Variants in COL5A2 observed in about 807,000 individuals in gnomAD.
COL5A2 encodes the protein collagen type V alpha 2 chain, also known as collagen alpha-2(V) chain.
COL5A2 carries 23 observed loss-of-function variants against 208.2 expected under a neutral mutation model. That is an observed-to-expected ratio of 0.11 (90% CI 0.08 to 0.16). COL5A2 has a LOEUF of 0.16. Ranked by LOEUF, COL5A2 falls within the 10% of genes least tolerant of loss-of-function variation. The pLI is 1.00. For missense variants in COL5A2, 1,590 were observed against 1,956.4 expected, an observed-to-expected ratio of 0.81 and a Z score of 3.53; for synonymous variants, 625 against 628.5, an observed-to-expected ratio of 0.99 and a Z score of 0.08.
chr2:189,093,350 G>T (rs56080628), intron 6 of COL5A2, among the ~76,000 whole-genome samples: 20,190 of 152,144 alleles, frequency 0.13, 1,367 homozygotes, highest in Middle Eastern at 0.19. Flanking sequence ...CAGGGATCAA[G>T]GGAAATATGG....
intron 1 of COL5A2, among the ~76,000 whole-genome samples, chr2:189,165,057 T>C (rs1016248364): frequency 6.6e-6 from 1 of 152,244 alleles, no homozygotes; most frequent in African/African-American, 2.4e-5. Context: ...AGATGTTTCA[T>C]ATCTTAAGCA....
chr2:189,118,527 C>A (rs1360946776), intron 1 of COL5A2, among the ~76,000 whole-genome samples: 1 of 152,080 alleles, frequency 6.6e-6, no homozygotes, highest in Non-Finnish European at 1.5e-5. Context: ...TTGCCTTGAG[C>A]AAGTTGAAAT....
chr2:189,272,326 C>G, the COL5A2 span, among the ~76,000 whole-genome samples: 5 of 152,100 alleles, frequency 3.3e-5, no homozygotes, highest in Admixed American at 3.3e-4. Context: ...GAATACTATG[C>G]AGCCATAAAA....
At chr2:189,209,986 C>T (rs1576586758) in intron 1 of COL5A2, among the ~76,000 whole-genome samples, 1 of 152,282 alleles carries the variant, frequency 6.6e-6, no homozygotes, top group African/African-American at 2.4e-5. Flanking sequence ...GGTAATGCCG[C>T]CCTGAAAGGG....
intron 1 of COL5A2, among the ~76,000 whole-genome samples, chr2:189,217,386 C>G (rs2105874565): frequency 6.6e-6 from 1 of 152,282 alleles, no homozygotes; most frequent in South Asian, 2.1e-4. Context: ...GCCACTCTGG[C>G]TTCCTTTTTG....
the COL5A2 span, among the ~76,000 whole-genome samples, chr2:189,391,360 A>C: frequency 3.9e-5 from 6 of 152,280 alleles, no homozygotes; most frequent in African/African-American, 1.4e-4. Context: ...AATTACATAA[A>C]CCATCTCTGA....
chr2:189,214,044 T>A (rs929975209), intron 1 of COL5A2, among the ~76,000 whole-genome samples: 2 of 152,116 alleles, frequency 1.3e-5, no homozygotes, highest in African/African-American at 4.8e-5. Context: ...AACTAAGATG[T>A]GGGGTAAAAG....
intron 1 of COL5A2, among the ~76,000 whole-genome samples, chr2:189,139,199 C>G (rs886179405): frequency 6.6e-6 from 1 of 152,122 alleles, no homozygotes; most frequent in African/African-American, 2.4e-5. Flanking sequence ...CACTTGAACC[C>G]AGGAGGCAGA....
the COL5A2 span, among the ~76,000 whole-genome samples, chr2:189,286,721 C>T: frequency 4.6e-5 from 7 of 152,054 alleles, no homozygotes; most frequent in Non-Finnish European, 7.4e-5. Context: ...TCTAAATGAG[C>T]AAAATGTAGT....
upstream of COL5A2, among the ~76,000 whole-genome samples, chr2:189,225,749 T>C (rs1689407768): frequency 1.3e-5 from 2 of 152,182 alleles, no homozygotes; most frequent in South Asian, 2.1e-4. Flanking sequence ...ATGTTCTAAG[T>C]TGAACACAGA....
intron 44 of COL5A2, among the ~76,000 whole-genome samples, chr2:189,049,067 T>C (rs1460457188): frequency 6.6e-6 from 1 of 152,150 alleles, no homozygotes; most frequent in African/African-American, 2.4e-5. Flanking sequence ...AATGGATGTG[T>C]CCTTTCACCC....
chr2:189,400,047 A>C, the COL5A2 span, among the ~76,000 whole-genome samples: 14 of 152,120 alleles, frequency 9.2e-5, no homozygotes, highest in African/African-American at 3.1e-4. Context: ...GGCCTATTTG[A>C]CAGTAATACA....
At position 189,057,314 on chromosome 2, in the gene COL5A2, A is replaced by G; in HGVS notation, c.2337+6T>C. ...TGAAAAAAAAAAAAAAAAAAAAAGGACTTACTCTGTCACCCTTGGGGCCAG... is the reference window on the plus strand; with the variant it reads ...TGAAAAAAAAAAAAAAAAAAAAAGGGCTTACTCTGTCACCCTTGGGGCCAG... On this transcript the variant is annotated splice_donor_region_variant and intron_variant, in intron 34 of 53. Coordinates refer to ENST00000374866, the MANE Select transcript of COL5A2 (RefSeq NM_000393.5). 3.3e-6 allele frequency: 4 copies of G among 1,214,374 alleles called. No individual in the cohort carries two copies. Among genetic ancestry groups the G allele is most frequent in the Non-Finnish European group, 4.8e-6 (4 of 838,272 alleles). 75.2% of individuals were successfully genotyped at this position (1,214,374 alleles called of 1,614,324 possible).
chr2:189,127,602 C>G (rs1024725672), intron 1 of COL5A2, among the ~76,000 whole-genome samples: 13 of 152,048 alleles, frequency 8.5e-5, no homozygotes, highest in African/African-American at 3.1e-4. Context: ...TGTATTTTCA[C>G]CTAAAAAATA....
At chr2:189,411,367 T>A in the COL5A2 span, among the ~76,000 whole-genome samples, 16 of 152,320 alleles carry the variant, frequency 1.1e-4, no homozygotes, top group South Asian at 6.2e-4. Context: ...TCGTTTTTTT[T>A]ATTCTAGCAC....
At chr2:189,034,290 G>T in intron 53 of COL5A2, 74 bp from the exon 54 acceptor site, 1 of 1,515,752 alleles carries the variant, frequency 6.6e-7, no homozygotes, top group South Asian at 1.1e-5. Context: ...AACCTTCCCA[G>T]ACACTTTTAT....
intron 1 of COL5A2, among the ~76,000 whole-genome samples, chr2:189,167,576 A>T (rs1021595428): frequency 2.0e-5 from 3 of 152,208 alleles, no homozygotes; most frequent in Admixed American, 2.0e-4. Flanking sequence ...AGAGAGAACA[A>T]CAAAAGCCAC....
chr2:189,225,445 C>T (rs543683852), upstream of COL5A2, among the ~76,000 whole-genome samples: 1 of 152,060 alleles, frequency 6.6e-6, no homozygotes, highest in Non-Finnish European at 1.5e-5. Flanking sequence ...ATTATCTTAA[C>T]CTAAAAAACT....
At chr2:189,295,944 T>C in the COL5A2 span, among the ~76,000 whole-genome samples, 38 of 151,670 alleles carry the variant, frequency 2.5e-4, no homozygotes, top group Admixed American at 4.6e-4. Flanking sequence ...TGCTCACAGA[T>C]GTGGTTTTTT....
Sources: allele counts gnomAD v4.1 joint callset (sites outside exome capture counted in the v4.1 genomes callset), GRCh38; gene constraint gnomAD v4.1.1; transcripts MANE v1.5; gene names NCBI Gene and HGNC (gene_info 2026-07-23, HGNC 2026-07-21).